Variants in NDUFAF2 observed in about 807,000 individuals in gnomAD.
NDUFAF2 encodes the protein NADH:ubiquinone oxidoreductase complex assembly factor 2.
A neutral mutation model predicts 22.8 loss-of-function variants in NDUFAF2; 13 were observed. The ratio of observed to expected loss-of-function variants is 0.57; its 90% CI spans 0.37 to 0.91. The LOEUF is 0.91. NDUFAF2 is among the 40% of genes least tolerant of loss of function. The probability of loss-of-function intolerance (pLI) is 0.01; values close to 1 mark genes in which losing one functional copy is unlikely to be tolerated. For missense variants in NDUFAF2, 162 were observed against 195.2 expected, an observed-to-expected ratio of 0.83 and a Z score of 1.01; for synonymous variants, 53 against 64.2, an observed-to-expected ratio of 0.83 and a Z score of 0.84.
At chr5:61,113,464 A>T (rs1752870507) in intron 3 of NDUFAF2, among the ~76,000 whole-genome samples, 2 of 152,204 alleles carry the variant, frequency 1.3e-5, no homozygotes, top group South Asian at 4.1e-4. Flanking sequence ...CCCCACCCAA[A>T]TCTCATCTTG....
intron 1 of NDUFAF2, among the ~76,000 whole-genome samples, chr5:60,983,775 C>G (rs1192486337): frequency 3.3e-5 from 5 of 151,176 alleles, no homozygotes; most frequent in Non-Finnish European, 7.4e-5. Context: ...TGTTTTGGTA[C>G]CAGTACCATG....
At chr5:61,116,595 C>T in intron 3 of NDUFAF2, 1 of 152,134 alleles carries the variant, frequency 6.6e-6, no homozygotes, top group South Asian at 2.1e-4. Context: ...AGTAACGGTG[C>T]TTTCAACATT....
At chr5:60,967,867 G>A (rs1750778382) in intron 1 of NDUFAF2, among the ~76,000 whole-genome samples, 1 of 150,296 alleles carries the variant, frequency 6.7e-6, no homozygotes, top group Non-Finnish European at 1.5e-5. Flanking sequence ...AAATGAGCTT[G>A]GATGTTTCCC....
chr5:61,046,287 C>G (rs1374128697), intron 1 of NDUFAF2, among the ~76,000 whole-genome samples: 2 of 151,928 alleles, frequency 1.3e-5, no homozygotes, highest in African/African-American at 2.4e-5. Context: ...CTTGTAGTAT[C>G]CTTGTCTGGT....
At chr5:61,016,765 T>C (rs1751516487) in intron 1 of NDUFAF2, among the ~76,000 whole-genome samples, 1 of 152,188 alleles carries the variant, frequency 6.6e-6, no homozygotes, top group Non-Finnish European at 1.5e-5. Context: ...AAGCTTGTAG[T>C]TTTAGGCATC....
chr5:61,033,933 A>G (rs997307336), intron 1 of NDUFAF2, among the ~76,000 whole-genome samples: 3 of 152,188 alleles, frequency 2.0e-5, no homozygotes, highest in Admixed American at 6.6e-5. Context: ...CGTTATTTTC[A>G]TATCAGAAGG....
intron 1 of NDUFAF2, among the ~76,000 whole-genome samples, chr5:61,039,576 G>A (rs988185682): frequency 6.6e-6 from 1 of 152,152 alleles, no homozygotes; most frequent in African/African-American, 2.4e-5. Context: ...ATGATATAAT[G>A]TATACTTAAC....
chr5:61,113,486 C>G (rs916783825), intron 3 of NDUFAF2, among the ~76,000 whole-genome samples: 1 of 152,102 alleles, frequency 6.6e-6, no homozygotes, highest in African/African-American at 2.4e-5. Context: ...ATTGTAGTTC[C>G]CATAATCCCC....
At chr5:61,003,249 C>T (rs1010504987) in intron 1 of NDUFAF2, among the ~76,000 whole-genome samples, 17 of 152,002 alleles carry the variant, frequency 1.1e-4, no homozygotes, top group Non-Finnish European at 1.9e-4. Flanking sequence ...TTGATCGTTC[C>T]GTACTTTAGA....
chr5:61,134,461 G>A (rs950579738), intron 3 of NDUFAF2, among the ~76,000 whole-genome samples: 7 of 152,256 alleles, frequency 4.6e-5, no homozygotes, highest in Admixed American at 1.3e-4. Context: ...CAAGGCGGAC[G>A]GGTCACGAGG....
At chr5:61,002,177 A>T (rs555118837) in intron 1 of NDUFAF2, among the ~76,000 whole-genome samples, 1 of 152,270 alleles carries the variant, frequency 6.6e-6, no homozygotes, top group African/African-American at 2.4e-5. Flanking sequence ...CACAACTCAT[A>T]GGATTGCTTA....
chr5:60,973,831 G>C (rs929490423), intron 1 of NDUFAF2, among the ~76,000 whole-genome samples: 1 of 152,096 alleles, frequency 6.6e-6, no homozygotes, highest in African/African-American at 2.4e-5. Flanking sequence ...TTGAGACAAG[G>C]TCTCACTCTG....
At chr5:61,070,377 T>G (rs1752280143) in intron 1 of NDUFAF2, among the ~76,000 whole-genome samples, 1 of 152,060 alleles carries the variant, frequency 6.6e-6, no homozygotes, top group East Asian at 1.9e-4. Context: ...CAAGTAGTAT[T>G]TATTCCAAAA....
At chr5:60,982,192 C>G (rs558325283) in intron 1 of NDUFAF2, among the ~76,000 whole-genome samples, 2 of 152,212 alleles carry the variant, frequency 1.3e-5, no homozygotes, top group South Asian at 4.1e-4. Context: ...TTATATTAGT[C>G]TGTTCTCATG....
chr5:61,005,162 C>G lies in NDUFAF2; in HGVS notation c.127+59780C>G, dbSNP rs1385321668. Among the ~76,000 whole-genome samples the G allele has an allele frequency of 2.0e-5, 3 of 152,088 alleles. No individual in the cohort carries two copies. The East Asian group carries it at 5.8e-4, about 29-fold the overall frequency. On this transcript the variant is annotated intron_variant, in intron 1 of 3. Coordinates refer to ENST00000296597, the MANE Select transcript of NDUFAF2 (RefSeq NM_174889.5). ...TCCAAGTGTTCTTATTGTTCAGTTC[C>G]CACCTATGAGTAAGAAAATGCAGTG...
chr5:61,077,238 A>C (rs1416692374), intron 2 of NDUFAF2, among the ~76,000 whole-genome samples: 1 of 152,222 alleles, frequency 6.6e-6, no homozygotes, highest in African/African-American at 2.4e-5. Flanking sequence ...GTGTAAATAC[A>C]AAATGAGAAA....
At chr5:61,130,197 G>A (rs1346022652) in intron 3 of NDUFAF2, among the ~76,000 whole-genome samples, 1 of 152,088 alleles carries the variant, frequency 6.6e-6, no homozygotes, top group Non-Finnish European at 1.5e-5. Context: ...CACTGTTGCT[G>A]AAACTTGTAC....
chr5:60,989,665 T>C (rs531298129), intron 1 of NDUFAF2, among the ~76,000 whole-genome samples: 1 of 152,332 alleles, frequency 6.6e-6, no homozygotes, highest in East Asian at 1.9e-4. Flanking sequence ...AAATACTGCA[T>C]GTGTTCTCTC....
At chr5:61,091,985 G>A (rs1752575204) in intron 2 of NDUFAF2, among the ~76,000 whole-genome samples, 1 of 152,020 alleles carries the variant, frequency 6.6e-6, no homozygotes, top group African/African-American at 2.4e-5. Flanking sequence ...TGTCAGGTTT[G>A]TTGATCAGAT....
Sources: gnomAD v4.1 joint callset for allele counts (sites outside exome capture counted in the v4.1 genomes callset) on GRCh38, gnomAD v4.1.1 for gene constraint, MANE v1.5 for transcripts, NCBI Gene and HGNC (gene_info 2026-07-23, HGNC 2026-07-21) for gene names.